Variants in TRMT11 observed in about 807,000 individuals in gnomAD.
TRMT11 encodes tRNA methyltransferase 11.
Under a neutral mutation model 62.8 loss-of-function variants are expected in TRMT11, and 53 were observed. That is an observed-to-expected ratio of 0.84 (90% CI 0.68 to 1.06). The LOEUF (loss-of-function observed/expected upper bound fraction) is 1.06. Ranked by LOEUF, TRMT11 falls within the 50% of genes least tolerant of loss-of-function variation. TRMT11 has a pLI of 0.00. For synonymous variants in TRMT11, 188 were observed against 190.3 expected, an observed-to-expected ratio of 0.99 and a Z score of 0.10; for missense variants, 556 against 553.4, an observed-to-expected ratio of 1.00 and a Z score of -0.05.
At chr6:126,247,351 G>A in the TRMT11 span, among the ~76,000 whole-genome samples, 25 of 150,862 alleles carry the variant, frequency 1.7e-4, no homozygotes, top group East Asian at 3.5e-3. Flanking sequence ...ACGCACACAC[G>A]CACACACATA....
chr6:126,182,380 C>T (rs961620036), intron 1 of TRMT11, among the ~76,000 whole-genome samples: 1 of 151,396 alleles, frequency 6.6e-6, no homozygotes, highest in Non-Finnish European at 1.5e-5. Context: ...TCTTTTTTTC[C>T]CACTTCTTGG....
At chr6:126,144,868 T>G (rs1264983268) in intron 21 of TRMT11, among the ~76,000 whole-genome samples, 2 of 152,202 alleles carry the variant, frequency 1.3e-5, no homozygotes, top group Non-Finnish European at 2.9e-5. Flanking sequence ...TTTTCAAGAT[T>G]TTTAAACAGA....
At chr6:126,174,006 A>G (rs1211640260), upstream of TRMT11, among the ~76,000 whole-genome samples, 1 of 152,220 alleles carries the variant, frequency 6.6e-6, no homozygotes, top group African/African-American at 2.4e-5. Context: ...CTGGCTGCTC[A>G]AAGTGTGTTC....
chr6:126,194,276 C>T (rs1778639325), intron 1 of TRMT11, among the ~76,000 whole-genome samples: 1 of 152,142 alleles, frequency 6.6e-6, no homozygotes, highest in Admixed American at 6.5e-5. Context: ...TATTATATTG[C>T]AGCCTATCTC....
intron 1 of TRMT11, among the ~76,000 whole-genome samples, chr6:125,988,264 G>A (rs532580073): frequency 5.9e-5 from 9 of 152,242 alleles, no homozygotes; most frequent in African/African-American, 2.2e-4. Context: ...TTGAGTTTTA[G>A]TAGGAGAAGC....
the TRMT11 span, among the ~76,000 whole-genome samples, chr6:126,232,148 T>TTGTGTG: frequency 4.0e-5 from 6 of 150,008 alleles, no homozygotes; most frequent in Non-Finnish European, 6.0e-5. Context: ...ACATTTGTGT[T>TTGTGTG]TGTGTGTGTG....
At chr6:126,058,128 CCA>C (rs2128121777) in intron 17 of TRMT11, among the ~76,000 whole-genome samples, 2 of 152,156 alleles carry the variant, frequency 1.3e-5, no homozygotes, top group Non-Finnish European at 2.9e-5. Flanking sequence ...CCGACAGGCC[CCA>C]GTGTGTGATG....
Position 125,986,642 on chromosome 6 carries a change from C to A in TRMT11, c.72+20C>A. The A allele has an allele frequency of 6.4e-7, 1 of 1,568,730 alleles. No homozygotes were observed. Among genetic ancestry groups the A allele is most frequent in the East Asian group, 2.3e-5 (1 of 43,000 alleles). On this transcript the variant is annotated intron_variant, in intron 1 of 12. Transcript: ENST00000334379. ...CTGCCGGTGAGTCCGTAGCGCCCTC[C>A]GGAACTTCCGACGGAAGAGGACGCT...
Position 126,171,295 on chromosome 6 carries a change from G to A in TRMT11, c.*1824-3530G>A, listed in dbSNP as rs1778327709. On this transcript the variant is annotated intron_variant and NMD_transcript_variant, in intron 21 of 22. Transcript: ENST00000648977. The stretch of plus-strand genomic sequence containing the variant: ...CTGATTAAGGCTTTTGCTGGCAATG[G>A]GAGTGTTTGTGGTAACAGAAGGAAG... Among the ~76,000 whole-genome samples, 5 of 151,864 alleles carry A rather than the reference G, an allele frequency of 3.3e-5. No homozygotes were observed. The South Asian group carries it at 1.0e-3, about 32-fold the overall frequency.
At chr6:126,061,753 C>A (rs1776541782) in intron 17 of TRMT11, among the ~76,000 whole-genome samples, 2 of 152,104 alleles carry the variant, frequency 1.3e-5, no homozygotes, top group Admixed American at 1.3e-4. Context: ...AACTGGACAC[C>A]CTCTGATGAA....
chr6:126,040,962 C>T (rs193197472), downstream of TRMT11, among the ~76,000 whole-genome samples: 15 of 152,212 alleles, frequency 9.9e-5, no homozygotes, highest in Non-Finnish European at 1.6e-4. Flanking sequence ...TTTTCTCAGC[C>T]ACTTCCTGCC....
intron 21 of TRMT11, among the ~76,000 whole-genome samples, chr6:126,142,249 A>C (rs1777925393): frequency 6.6e-6 from 1 of 152,066 alleles, no homozygotes; most frequent in Non-Finnish European, 1.5e-5. Flanking sequence ...TAAGAAAGTC[A>C]TATTTGCATT....
chr6:126,182,998 G>A (rs1778484470), intron 1 of TRMT11, among the ~76,000 whole-genome samples: 1 of 152,104 alleles, frequency 6.6e-6, no homozygotes, highest in Admixed American at 6.5e-5. Context: ...GGGAGGTGAG[G>A]TTTGTGAAAC....
intron 21 of TRMT11, among the ~76,000 whole-genome samples, chr6:126,122,938 A>C (rs1777666905): frequency 6.6e-6 from 1 of 152,130 alleles, no homozygotes; most frequent in African/African-American, 2.4e-5. Flanking sequence ...GGCTGTACAT[A>C]TATAATCTGT....
intron 21 of TRMT11, among the ~76,000 whole-genome samples, chr6:126,170,744 G>C (rs80245909): frequency 0.048 from 7,348 of 152,172 alleles, 595 homozygotes; most frequent in African/African-American, 0.17. Flanking sequence ...CAATCTCGAT[G>C]CTCTTTGGGG....
chr6:126,157,196 G>A (rs545610493), intron 21 of TRMT11, among the ~76,000 whole-genome samples: 19 of 152,074 alleles, frequency 1.2e-4, no homozygotes, highest in Non-Finnish European at 8.8e-5. Flanking sequence ...CTGATACCTC[G>A]TCCACACTTC....
chr6:126,029,610 CATT>C (rs1773823638), intron 12 of TRMT11, among the ~76,000 whole-genome samples: 2 of 152,172 alleles, frequency 1.3e-5, no homozygotes, highest in African/African-American at 4.8e-5. Context: ...ATAGTCTCTA[CATT>C]AAAGTGAGAG....
intron 16 of TRMT11, among the ~76,000 whole-genome samples, chr6:126,052,863 T>G (rs1426736001): frequency 6.6e-6 from 1 of 152,212 alleles, no homozygotes; most frequent in Non-Finnish European, 1.5e-5. Flanking sequence ...TGTTTTTGCC[T>G]CCAGTCTGTC....
the TRMT11 span, among the ~76,000 whole-genome samples, chr6:126,220,423 T>C: frequency 6.6e-6 from 1 of 152,220 alleles, no homozygotes; most frequent in Non-Finnish European, 1.5e-5. Flanking sequence ...GTTATTTTTC[T>C]TTATCCACAC....
Sources: allele counts gnomAD v4.1 joint callset (sites outside exome capture counted in the v4.1 genomes callset), GRCh38; gene constraint gnomAD v4.1.1; transcripts MANE v1.5; gene names NCBI Gene and HGNC (gene_info 2026-07-23, HGNC 2026-07-21).